The following CDYL2 variants were observed in gnomAD, a reference collection of about 807,000 sequenced individuals.
The protein encoded by CDYL2 is chromodomain Y-like protein 2.
Under a neutral mutation model 49.4 loss-of-function variants are expected in CDYL2, and 23 were observed. That is an observed-to-expected ratio of 0.47 (90% confidence interval 0.34 to 0.66). The LOEUF (loss-of-function observed/expected upper bound fraction) is 0.66, where lower values mean the gene tolerates loss of function less well. Among genes scored for constraint, CDYL2 ranks in the 30% least tolerant of loss-of-function variants. CDYL2 has a pLI of 0.01. For synonymous variants in CDYL2, 360 were observed against 268.8 expected (o/e 1.34, Z -3.32); for missense variants, 678 against 656.4 (o/e 1.03, Z -0.36).
At chr16:80,626,824 C>G (rs1008445125) in intron 3 of CDYL2, among the ~76,000 whole-genome samples, 1 of 152,172 alleles carries the variant, frequency 6.6e-6, no homozygotes, top group Non-Finnish European at 1.5e-5. Flanking sequence ...ATTTCTTAAG[C>G]ACCTAGTAGT....
chr16:80,644,105 G>C (rs920608678), intron 2 of CDYL2, among the ~76,000 whole-genome samples: 1 of 152,178 alleles, frequency 6.6e-6, no homozygotes. Flanking sequence ...TTGCTGCTTA[G>C]AAATTTCTTT....
chr16:80,662,091 C>T (rs112549579), intron 2 of CDYL2, among the ~76,000 whole-genome samples: 3 of 152,198 alleles, frequency 2.0e-5, no homozygotes, highest in African/African-American at 2.4e-5. Flanking sequence ...GTCAAACATG[C>T]TTGCAAAGCT....
chr16:80,624,407 G>A (rs551277101), intron 3 of CDYL2, among the ~76,000 whole-genome samples: 1 of 152,240 alleles, frequency 6.6e-6, no homozygotes, highest in South Asian at 2.1e-4. Flanking sequence ...CACCCACATG[G>A]GGAAGAATCC....
At chr16:80,615,168 G>A (rs2142368871) in intron 4 of CDYL2, among the ~76,000 whole-genome samples, 1 of 152,230 alleles carries the variant, frequency 6.6e-6, no homozygotes, top group South Asian at 2.1e-4. Flanking sequence ...GGGAGTTCTG[G>A]CTCCATGACT....
chr16:80,628,984 C>A (rs9930172), intron 3 of CDYL2, among the ~76,000 whole-genome samples: 1 of 151,984 alleles, frequency 6.6e-6, no homozygotes, highest in Admixed American at 6.6e-5. Context: ...AAGAAAGGCC[C>A]GTTCCAGTCA....
chr16:80,687,959 T>TA (rs1234365884), intron 1 of CDYL2, among the ~76,000 whole-genome samples: 2 of 152,186 alleles, frequency 1.3e-5, no homozygotes, highest in African/African-American at 4.8e-5. Flanking sequence ...TATGACCCCT[T>TA]AAAACAGTCA....
intron 1 of CDYL2, among the ~76,000 whole-genome samples, chr16:80,740,353 C>G (rs1313747138): frequency 6.6e-6 from 1 of 152,088 alleles, no homozygotes; most frequent in Non-Finnish European, 1.5e-5. Context: ...TAGAAACAGC[C>G]AGACATATGA....
chr16:80,605,148 T>A (rs1347144481), intron 6 of CDYL2, among the ~76,000 whole-genome samples: 1 of 151,952 alleles, frequency 6.6e-6, no homozygotes, highest in African/African-American at 2.4e-5. Context: ...TAATGAGTAA[T>A]AATGATCATA....
rs35248259 is a variant in CDYL2 at position 80,665,505 on chromosome 16, TAA to T, written c.616+19031_616+19032del. The stretch of plus-strand genomic sequence containing the variant: ...AAAAAGTAATTGAGGTTTTTGCCAT[TAA>T]AAAAAAAAAAAAAAAAAAATAGCAA... On this transcript the variant is annotated intron_variant, in intron 2 of 6. Coordinates refer to ENST00000570137, the MANE Select transcript of CDYL2 (RefSeq NM_152342.4). Among the ~76,000 whole-genome samples, 784 of 121,612 alleles carry T rather than the reference TAA, an allele frequency of 6.4e-3. 12 individuals carry two copies. The highest frequency in any genetic ancestry group is 0.024 in the African/African-American group (732 of 30,316). 79.8% of individuals were successfully genotyped at this position (121,612 alleles called of 152,430 possible).
upstream of CDYL2, among the ~76,000 whole-genome samples, chr16:80,804,931 C>G (rs945276788): frequency 6.6e-6 from 1 of 152,066 alleles, no homozygotes; most frequent in Non-Finnish European, 1.5e-5. Context: ...GAGTGGACGC[C>G]GCCTGGGAGA....
At position 80,600,958 on chromosome 16, in the gene CDYL2, T is replaced by C. The variant is rs1906056466; in HGVS notation, c.*3430A>G. The C allele has an allele frequency of 6.6e-6, 1 of 152,216 alleles. No homozygotes were observed. The highest frequency in any genetic ancestry group is 1.5e-5 in the Non-Finnish European group (1 of 68,028). 9.4% of individuals were successfully genotyped at this position (152,216 alleles called of 1,614,324 possible). A position where few individuals can be genotyped will look rare whatever the true frequency, so the allele number is the denominator to read the frequency against. The stretch of plus-strand genomic sequence containing the variant: ...CTAAACTTCACATGGGAAAAACATT[T>C]TCATGCTTCAGAGAGAACATTTCCT... On this transcript the variant is annotated 3_prime_UTR_variant, in exon 7 of 7. Coordinates refer to ENST00000570137, the MANE Select transcript of CDYL2 (RefSeq NM_152342.4).
intron 1 of CDYL2, among the ~76,000 whole-genome samples, chr16:80,687,664 CA>C (rs1910253059): frequency 6.6e-6 from 1 of 152,072 alleles, no homozygotes; most frequent in South Asian, 2.1e-4. Flanking sequence ...TGACACTTAT[CA>C]AAATGGCATT....
chr16:80,741,544 T>C (rs991912940), intron 1 of CDYL2, among the ~76,000 whole-genome samples: 1 of 152,172 alleles, frequency 6.6e-6, no homozygotes, highest in African/African-American at 2.4e-5. Context: ...AAATGAATTC[T>C]ATGATCTAAG....
chr16:80,802,219 G>A (rs2142427202), intron 1 of CDYL2, among the ~76,000 whole-genome samples: 1 of 152,276 alleles, frequency 6.6e-6, no homozygotes, highest in South Asian at 2.1e-4. Context: ...AACTTTAAAT[G>A]GGGAAATACT....
intron 4 of CDYL2, among the ~76,000 whole-genome samples, chr16:80,616,827 T>C (rs1168834552): frequency 6.6e-6 from 1 of 152,254 alleles, no homozygotes; most frequent in Admixed American, 6.5e-5. Flanking sequence ...GAGTATCTTT[T>C]TATTCTTTAT....
chr16:80,804,086 C>CCCGCCG, intron 1 of CDYL2, 64 bp downstream of exon 1: 4 of 971,396 alleles, frequency 4.1e-6, no homozygotes, highest in Non-Finnish European at 4.9e-6. Context: ...GTCCCCGCCG[C>CCCGCCG]CCGCCGCCGC....
intron 1 of CDYL2, among the ~76,000 whole-genome samples, chr16:80,698,390 G>C (rs1166089999): frequency 6.6e-6 from 1 of 152,068 alleles, no homozygotes; most frequent in Non-Finnish European, 1.5e-5. Flanking sequence ...GAATATACAA[G>C]GAACTCAACA....
chr16:80,701,269 G>A (rs192342455), intron 1 of CDYL2, among the ~76,000 whole-genome samples: 115 of 152,306 alleles, frequency 7.6e-4, no homozygotes, highest in African/African-American at 2.7e-3. Context: ...ATATATAAAG[G>A]TCTGGAATAA....
At chr16:80,620,209 G>A (rs190677672) in intron 4 of CDYL2, among the ~76,000 whole-genome samples, 5 of 152,234 alleles carry the variant, frequency 3.3e-5, no homozygotes, top group Admixed American at 3.3e-4. Context: ...ACTCATTGTT[G>A]GGACTGGATG....
Sources: allele counts gnomAD v4.1 joint callset (sites outside exome capture counted in the v4.1 genomes callset), GRCh38; gene constraint gnomAD v4.1.1; transcripts MANE v1.5; gene names NCBI Gene and HGNC (gene_info 2026-07-23, HGNC 2026-07-21).